Variants in ADAP1 observed in about 807,000 individuals in gnomAD.
The protein encoded by ADAP1 is ArfGAP with dual PH domains 1.
Under a neutral mutation model 54.9 loss-of-function variants are expected in ADAP1, and 31 were observed. The ratio of observed to expected loss-of-function variants is 0.56; its 90% CI spans 0.42 to 0.76. The LOEUF is 0.76. Ranked by LOEUF, ADAP1 falls within the 30% of genes least tolerant of loss-of-function variation. The pLI is 0.00. For missense variants in ADAP1, 535 were observed against 512.4 expected (o/e 1.04, Z -0.42); for synonymous variants, 313 against 202.6 (o/e 1.55, Z -4.63).
chr7:913,046 C>T (rs1283918958), intron 4 of ADAP1, among the ~76,000 whole-genome samples: 2 of 151,072 alleles, frequency 1.3e-5, no homozygotes, highest in Non-Finnish European at 3.0e-5. Flanking sequence ...AGTCTCCCCA[C>T]GTTGCCCAGG....
chr7:925,194 A>G (rs1846340087), intron 3 of ADAP1, among the ~76,000 whole-genome samples: 3 of 151,936 alleles, frequency 2.0e-5, no homozygotes, highest in South Asian at 4.2e-4. Context: ...AAAGAAACTG[A>G]GTCGCTCGTG....
At chr7:903,532 C>G (rs979939273) in intron 6 of ADAP1, among the ~76,000 whole-genome samples, 4 of 152,166 alleles carry the variant, frequency 2.6e-5, no homozygotes, top group African/African-American at 9.7e-5. Flanking sequence ...GAAACAAGAA[C>G]CTAAGTAACA....
intron 2 of ADAP1, 32 bp downstream of exon 2, chr7:935,343 G>C (rs1482257868): frequency 4.5e-6 from 7 of 1,546,886 alleles, no homozygotes; most frequent in Non-Finnish European, 6.1e-6. Context: ...CCCGGGGACT[G>C]CGCGGGTCCC....
At position 934,332 on chromosome 7, in the gene ADAP1, A is replaced by G. The variant is rs187335824; in HGVS notation, c.213+1043T>C. Among the ~76,000 whole-genome samples the G allele has an allele frequency of 8.6e-4, 113 of 130,708 alleles. 1 individual carries two copies. The highest frequency in any genetic ancestry group is 3.1e-3 in the African/African-American group (105 of 34,054). The allele number at this position is 130,708 out of a possible 152,430, so 85.7% of individuals were successfully genotyped here. A position where few individuals can be genotyped will look rare whatever the true frequency, so the allele number is the denominator to read the frequency against. ...GAGCCGGGGTCAGTGGTGCTGGAGAACCAGGGGCTGGGATCAGTGGTCCTG... is the reference window on the plus strand; with the variant it reads ...GAGCCGGGGTCAGTGGTGCTGGAGAGCCAGGGGCTGGGATCAGTGGTCCTG... On this transcript the variant is annotated intron_variant, in intron 2 of 10. Transcript: ENST00000265846.
rs115890461 is a variant in ADAP1, at chr7:903,484, G to A, written c.648+642C>T. Among the ~76,000 whole-genome samples the A allele has an allele frequency of 8.7e-4, 132 of 152,276 alleles. 1 individual carries two copies. Among genetic ancestry groups the A allele is most frequent in the African/African-American group, 2.9e-3 (120 of 41,548 alleles). ...TCTCAAGATTTAGGAACGATATAGC[G>A]CTTTAGACCGTGTGCACACAGACGT... is the stretch of plus-strand genomic sequence containing the variant. On this transcript the variant is annotated intron_variant, in intron 6 of 10. Transcript: ENST00000265846.
chr7:950,852 G>A (rs541143146), intron 1 of ADAP1, among the ~76,000 whole-genome samples: 7 of 84,192 alleles, frequency 8.3e-5, no homozygotes, highest in East Asian at 3.8e-4. Context: ...GCAAGACTCC[G>A]TCTCAAAAAA....
chr7:947,083 A>G lies in ADAP1; in HGVS notation c.82+7313T>C, dbSNP rs186222392. Among the ~76,000 whole-genome samples the G allele has an allele frequency of 5.1e-3, 781 of 152,022 alleles. 7 individuals are homozygous for G. Among genetic ancestry groups the G allele is most frequent in the African/African-American group, 0.018 (750 of 41,426 alleles). On this transcript the variant is annotated intron_variant, in intron 1 of 10. Transcript: ENST00000265846. ...TTTTGAGAGAGGGTCTCTGTCACTC[A>G]GGCTGGAGTGCAGTGGTGCGATCAT...
chr7:919,684 G>A (rs1223326493), intron 4 of ADAP1, among the ~76,000 whole-genome samples: 1 of 72,656 alleles, frequency 1.4e-5, no homozygotes, highest in Non-Finnish European at 2.7e-5. Context: ...AGGAGGGAGA[G>A]AGAGAGAGAT....
intron 4 of ADAP1, 136 bp from the exon 5 acceptor site, chr7:905,308 C>CGGGGAGAGG (rs1562911276): frequency 2.6e-6 from 1 of 390,206 alleles, no homozygotes. Context: ...CAGGGGGAGA[C>CGGGGAGAGG]GGACGGGGAG....
At position 944,143 on chromosome 7, in the gene ADAP1, C is replaced by T. The variant is rs538464913; in HGVS notation, c.83-8638G>A. 3.5e-4 allele frequency among the ~76,000 whole-genome samples: 53 copies of T among 152,208 alleles called. 1 individual carries two copies. In the Middle Eastern group the frequency reaches 0.01, roughly 29 times the overall value. On this transcript the variant is annotated intron_variant, in intron 1 of 10. Coordinates refer to ENST00000265846, the MANE Select transcript of ADAP1 (RefSeq NM_006869.4). ...TATTGCCCAGGCTGGTCTCTAACTTCTGGGCTCAAGCAGTCCTTCCACCTC... is the reference window on the plus strand; with the variant it reads ...TATTGCCCAGGCTGGTCTCTAACTTTTGGGCTCAAGCAGTCCTTCCACCTC...
intron 4 of ADAP1, among the ~76,000 whole-genome samples, chr7:906,742 TACATAGGG>T (rs1562915494): frequency 0.04 from 1,130 of 28,196 alleles, 77 homozygotes; most frequent in East Asian, 0.078. Flanking sequence ...GGGGACAGAG[TACATAGGG>T]GACATGGACA....
At chr7:918,318 G>C (rs928291894) in intron 4 of ADAP1, among the ~76,000 whole-genome samples, 2 of 152,206 alleles carry the variant, frequency 1.3e-5, no homozygotes, top group African/African-American at 4.8e-5. Context: ...CTGCACGTAA[G>C]GGCTGCTCCT....
chr7:898,944 C>A lies in ADAP1; in HGVS notation c.1102G>T (p.Ala368Ser), dbSNP rs1323321525. The A allele has an allele frequency of 1.2e-6, 2 of 1,610,496 alleles. No homozygotes were observed. The highest frequency in any genetic ancestry group is 8.5e-7 in the Non-Finnish European group (1 of 1,178,928). Residue 368 changes from alanine to serine, a missense_variant, in exon 11 of 11, where the codon GCG (alanine) becomes TCG (serine). By Grantham distance (99) the Ala-to-Ser change is moderately conservative. Transcript: ENST00000265846. ...PMLPQEYAVE[A>S]HFKHKP Reference sequence around the variant, plus strand: ...CGCTAAGGTTTATGCTTGAAGTGCGCCTCCACTGCAACGGAACAGGGTCCA... The same window carrying A: ...CGCTAAGGTTTATGCTTGAAGTGCGACTCCACTGCAACGGAACAGGGTCCA...
At position 939,573 on chromosome 7, in the gene ADAP1, G is replaced by A. The variant is rs191302276; in HGVS notation, c.83-4068C>T. 3.6e-3 allele frequency among the ~76,000 whole-genome samples: 539 copies of A among 147,894 alleles called. 4 individuals are homozygous for A. Among genetic ancestry groups the A allele is most frequent in the African/African-American group, 0.013 (523 of 40,630 alleles). ...TGGCTGCGTGTGGTGGCTCACACCT[G>A]TAATCCCAGCACTTCGGGAGGCCAA... is the stretch of plus-strand genomic sequence containing the variant. On this transcript the variant is annotated intron_variant, in intron 1 of 10. Transcript: ENST00000265846.
chr7:912,036 G>A lies in ADAP1; in HGVS notation c.389-6864C>T, dbSNP rs575214790. On this transcript the variant is annotated intron_variant, in intron 4 of 10. Coordinates refer to ENST00000265846, the MANE Select transcript of ADAP1 (RefSeq NM_006869.4). ...TAGCGCCCTCGTGCCGCACACCATCGTCCCCACTATATGGACGGGGAAACC... is the reference window on the plus strand; with the variant it reads ...TAGCGCCCTCGTGCCGCACACCATCATCCCCACTATATGGACGGGGAAACC... Among the ~76,000 whole-genome samples, 321 of 152,292 alleles carry A rather than the reference G, an allele frequency of 2.1e-3. 3 individuals are homozygous for A. The highest frequency in any genetic ancestry group is 4.3e-3 in the South Asian group (21 of 4,830).
intron 1 of ADAP1, among the ~76,000 whole-genome samples, chr7:954,012 C>T (rs1847328629): frequency 6.6e-6 from 1 of 152,188 alleles, no homozygotes; most frequent in Non-Finnish European, 1.5e-5. Context: ...CAGAGACCTC[C>T]GGCTGGCGGC....
chr7:946,204 G>A lies in ADAP1; in HGVS notation c.82+8192C>T, dbSNP rs7811408. Reference sequence around the variant, plus strand: ...CTCCAACTCCACCTCCGTGTTTTCCGCATATTGTCTCCCAGTTACCCGTGG... The same window carrying A: ...CTCCAACTCCACCTCCGTGTTTTCCACATATTGTCTCCCAGTTACCCGTGG... On this transcript the variant is annotated intron_variant, in intron 1 of 10. Transcript: ENST00000265846. This position sits in a 1 kb window ranked among gnomAD's most constrained non-coding sequence, Gnocchi z 4.3. 0.3 allele frequency among the ~76,000 whole-genome samples: 45,535 copies of A among 152,008 alleles called. 7,921 individuals carry two copies. Among genetic ancestry groups the A allele is most frequent in the African/African-American group, 0.48 (20,088 of 41,476 alleles).
At chr7:908,686 T>A (rs556014189) in intron 4 of ADAP1, among the ~76,000 whole-genome samples, 1 of 152,190 alleles carries the variant, frequency 6.6e-6, no homozygotes, top group East Asian at 1.9e-4. Flanking sequence ...CAGGACCTCT[T>A]TGGACGCGGC....
Position 920,897 on chromosome 7 carries a change from A to G in ADAP1, c.306-847T>C. 1 of 1,548,102 alleles carries G rather than the reference A, an allele frequency of 6.5e-7. No homozygotes were observed. Among genetic ancestry groups the G allele is most frequent in the Non-Finnish European group, 8.7e-7 (1 of 1,145,366 alleles). On this transcript the variant is annotated intron_variant, in intron 3 of 10. Transcript: ENST00000265846. The surrounding 1 kb of genome is among the most constrained non-coding windows in gnomAD (Gnocchi z 4.5). ...CCACTCCCAGGGAATTACGCGGCAAAGAACAAATAGGAACCCTGTGGCTTC... is the reference window on the plus strand; with the variant it reads ...CCACTCCCAGGGAATTACGCGGCAAGGAACAAATAGGAACCCTGTGGCTTC...
Sources: allele counts gnomAD v4.1 joint callset (sites outside exome capture counted in the v4.1 genomes callset), GRCh38; gene constraint gnomAD v4.1.1; non-coding constraint Gnocchi (gnomAD v3.1); transcripts MANE v1.5; gene names NCBI Gene and HGNC (gene_info 2026-07-23, HGNC 2026-07-21).